AMPH: variants seen among roughly 807,000 people sequenced by gnomAD.
AMPH encodes the protein amphiphysin (Stiff-Mann syndrome with breast cancer 128kD autoantigen).
AMPH carries 49 observed loss-of-function variants against 99.1 expected under a neutral mutation model. The observed-to-expected ratio is 0.49, with a 90% CI of 0.39 to 0.63. The LOEUF is 0.63. Among genes scored for constraint, AMPH ranks in the 20% least tolerant of loss-of-function variants. The probability of loss-of-function intolerance (pLI) is 0.00; values close to 1 mark genes in which losing one functional copy is unlikely to be tolerated. For missense variants in AMPH, 759 were observed against 863.4 expected (o/e 0.88, Z 1.52); for synonymous variants, 314 against 317.3 (o/e 0.99, Z 0.11).
chr7:38,437,038 G>A (rs1033863018), intron 11 of AMPH, among the ~76,000 whole-genome samples: 3 of 152,154 alleles, frequency 2.0e-5, no homozygotes, highest in African/African-American at 7.2e-5. Context: ...GCTGCAAAAT[G>A]AGCTCCCATT....
rs571506461 is a variant in AMPH at position 38,463,045 on chromosome 7, G to C, written c.818C>G (p.Pro273Arg). ...PPEEPSPLPSPTASPNHTLAP... is the reference protein window; with the variant it reads ...PPEEPSPLPSRTASPNHTLAP... ...TAATGTATGATTTGGACTTGCTGTC[G>C]GGCTCGGGAGGGGTGAAGGCTCCTC... Residue 273 changes from proline (P) to arginine (R), a missense_variant, in exon 10 of 21, where the codon CCG becomes CGG. Pro to Arg is a moderately radical substitution (Grantham distance 103). Coordinates refer to ENST00000356264, the MANE Select transcript of AMPH (RefSeq NM_001635.4). 9 of 1,611,400 alleles carry C rather than the reference G, an allele frequency of 5.6e-6. No individual in the cohort carries two copies. In the South Asian group the frequency reaches 9.9e-5, roughly 18 times the overall value.
At chr7:38,457,553 G>A (rs189754029) in intron 11 of AMPH, among the ~76,000 whole-genome samples, 1 of 152,242 alleles carries the variant, frequency 6.6e-6, no homozygotes, top group East Asian at 1.9e-4. Context: ...CTGATATTTG[G>A]GACAATATAA....
At chr7:38,609,758 C>CT (rs5883655) in intron 1 of AMPH, among the ~76,000 whole-genome samples, 124,094 of 152,020 alleles carry the variant, frequency 0.82, 51,869 homozygotes, top group African/African-American at 0.91. Flanking sequence ...ATTGCAGGTG[C>CT]TGTGTTAATG....
intron 2 of AMPH, among the ~76,000 whole-genome samples, chr7:38,530,278 G>A (rs1790346722): frequency 6.6e-6 from 1 of 152,238 alleles, no homozygotes; most frequent in African/African-American, 2.4e-5. Flanking sequence ...ACATCTGCTA[G>A]AGCATCCAAC....
chr7:38,562,252 T>C (rs941360652), intron 1 of AMPH, among the ~76,000 whole-genome samples: 1 of 152,222 alleles, frequency 6.6e-6, no homozygotes, highest in Non-Finnish European at 1.5e-5. Context: ...TTTCTATTCT[T>C]TCCAATAAAC....
At chr7:38,476,678 T>C (rs1269206978) in intron 6 of AMPH, among the ~76,000 whole-genome samples, 184 bp downstream of exon 6, 1 of 152,218 alleles carries the variant, frequency 6.6e-6, no homozygotes, top group Admixed American at 6.5e-5. Context: ...ATCCCCCATA[T>C]GAACTGTACA....
Position 38,472,028 on chromosome 7 carries a change from G to T in AMPH, c.590+3303C>A, listed in dbSNP as rs550005204. On this transcript the variant is annotated intron_variant, in intron 7 of 20. Transcript: ENST00000356264. Reference sequence around the variant, plus strand: ...AGAAATAAGCCCAATAATGGTGGGAGACTTCAATATCTCACTTTCAACAAG... The same window carrying T: ...AGAAATAAGCCCAATAATGGTGGGATACTTCAATATCTCACTTTCAACAAG... Among the ~76,000 whole-genome samples, 4 of 152,254 alleles carry T rather than the reference G, an allele frequency of 2.6e-5. No individual in the cohort carries two copies. In the East Asian group the frequency reaches 7.7e-4, roughly 29 times the overall value.
chr7:38,406,743 TCTCTCTC>T (rs1785015615), intron 17 of AMPH, among the ~76,000 whole-genome samples: 1 of 131,254 alleles, frequency 7.6e-6, no homozygotes, highest in African/African-American at 3.3e-5. Flanking sequence ...TCTCTCTCTC[TCTCTCTC>T]TCTCTCTCTC....
chr7:38,571,544 A>G (rs1401684408), intron 1 of AMPH, among the ~76,000 whole-genome samples: 1 of 140,088 alleles, frequency 7.1e-6, no homozygotes, highest in African/African-American at 2.6e-5. Flanking sequence ...TATTCTGTAT[A>G]AATATATATA....
At chr7:38,432,156 A>C in intron 13 of AMPH, 33 bp downstream of exon 13, 1 of 1,592,914 alleles carries the variant, frequency 6.3e-7, no homozygotes, top group Non-Finnish European at 8.6e-7. Flanking sequence ...GGGGATCAAG[A>C]TACATGAAAA....
intron 5 of AMPH, among the ~76,000 whole-genome samples, chr7:38,478,764 G>T (rs7778991): frequency 0.61 from 93,173 of 151,858 alleles, 29,177 homozygotes; most frequent in African/African-American, 0.73. Context: ...ATATAGAAAC[G>T]TTAATGGTCA....
chr7:38,426,307 T>C (rs1785780321), intron 15 of AMPH, among the ~76,000 whole-genome samples: 2 of 152,206 alleles, frequency 1.3e-5, no homozygotes, highest in Admixed American at 6.5e-5. Context: ...AGGTTACACC[T>C]GCCTACCTGT....
At chr7:38,392,283 A>C (rs1034286828) in intron 18 of AMPH, among the ~76,000 whole-genome samples, 14 of 146,032 alleles carry the variant, frequency 9.6e-5, no homozygotes, top group African/African-American at 3.0e-4. Flanking sequence ...GGGAATTGGG[A>C]GGAGGGATAG....
At chr7:38,590,355 G>A (rs1190147143) in intron 1 of AMPH, among the ~76,000 whole-genome samples, 6 of 152,178 alleles carry the variant, frequency 3.9e-5, no homozygotes, top group African/African-American at 1.2e-4. Flanking sequence ...AGATCTGGAG[G>A]GGTAGAAGTC....
chr7:38,518,627 T>C (rs1398346764), intron 2 of AMPH, among the ~76,000 whole-genome samples: 2 of 152,220 alleles, frequency 1.3e-5, no homozygotes, highest in African/African-American at 4.8e-5. Context: ...CCTACGCCTG[T>C]CCCACCATTG....
intron 2 of AMPH, among the ~76,000 whole-genome samples, chr7:38,532,490 T>C (rs1358466748): frequency 6.6e-6 from 1 of 152,202 alleles, no homozygotes; most frequent in African/African-American, 2.4e-5. Flanking sequence ...AATCTGCTAA[T>C]ATTTCTTGGG....
At chr7:38,590,310 C>T (rs1227666696) in intron 1 of AMPH, among the ~76,000 whole-genome samples, 3 of 152,182 alleles carry the variant, frequency 2.0e-5, no homozygotes, top group Admixed American at 2.0e-4. Flanking sequence ...GCAACGGATG[C>T]CTCGCTGGAT....
chr7:38,545,571 T>C (rs1175416013), intron 1 of AMPH, among the ~76,000 whole-genome samples: 1 of 152,244 alleles, frequency 6.6e-6, no homozygotes, highest in Non-Finnish European at 1.5e-5. Context: ...GCAAACTTTC[T>C]TCCTGTTTTT....
Position 38,384,844 on chromosome 7 carries a change from C to T in AMPH, c.2062G>A (p.Glu688Lys). 4 of 1,614,062 alleles carry T rather than the reference C, an allele frequency of 2.5e-6. No individual in the cohort carries two copies. The highest frequency in any genetic ancestry group is 2.5e-6 in the Non-Finnish European group (3 of 1,179,938). ...TAATCTAAGCGTCGGGTGAAGTTCT[C>T]TGGAAAGAGGCCTTTGTAGGTGGCA... ...DLATYKGLFP[E>K]NFTRRLD The change falls in exon 21 of 21, where the codon GAG (glutamate) becomes AAG (lysine). Residue 688 changes from glutamate (E) to lysine (K), a missense_variant. Transcript: ENST00000356264.
Sources: allele counts gnomAD v4.1 joint callset (sites outside exome capture counted in the v4.1 genomes callset), GRCh38; gene constraint gnomAD v4.1.1; transcripts MANE v1.5; gene names NCBI Gene and HGNC (gene_info 2026-07-23, HGNC 2026-07-21).